The following CDKL3 variants were observed in gnomAD, a reference collection of about 807,000 sequenced individuals.
The protein encoded by CDKL3 is cyclin dependent kinase like 3.
CDKL3 carries 65 observed loss-of-function variants against 69.3 expected under a neutral mutation model. The ratio of observed to expected loss-of-function variants is 0.94; its 90% CI spans 0.77 to 1.15. The LOEUF (loss-of-function observed/expected upper bound fraction) is 1.15, where lower values mean the gene tolerates loss of function less well. Ranked by LOEUF, CDKL3 falls within the 50% of genes most tolerant of loss-of-function variation. The probability of loss-of-function intolerance (pLI) is 0.00; values close to 1 mark genes in which losing one functional copy is unlikely to be tolerated. For synonymous variants in CDKL3, 202 were observed against 221.6 expected (o/e 0.91, Z 0.79); for missense variants, 652 against 689.2 (o/e 0.95, Z 0.61).
chr5:134,348,676 G>T (rs1294096151), intron 4 of CDKL3, among the ~76,000 whole-genome samples: 1 of 152,120 alleles, frequency 6.6e-6, no homozygotes, highest in Admixed American at 6.6e-5. Context: ...TAGGATTGGG[G>T]GGCTAGGGAG....
chr5:134,347,222 T>C (rs1349568450), intron 4 of CDKL3, among the ~76,000 whole-genome samples: 1 of 148,012 alleles, frequency 6.8e-6, no homozygotes, highest in African/African-American at 2.5e-5. Context: ...AAGGCTAGGA[T>C]GGCTATTAAA....
intron 4 of CDKL3, among the ~76,000 whole-genome samples, chr5:134,325,244 T>C (rs556413402): frequency 1.3e-5 from 2 of 152,292 alleles, no homozygotes; most frequent in African/African-American, 4.8e-5. Context: ...TATGTTCCTA[T>C]TTCTGTTCAA....
chr5:134,289,163 TAAAAAAAAA>T (rs34873718), intron 8 of CDKL3, among the ~76,000 whole-genome samples: 1 of 80,318 alleles, frequency 1.2e-5, no homozygotes. Context: ...CCCTGTCTCA[TAAAAAAAAA>T]AAAAAAAAAA....
At chr5:134,307,905 A>T in intron 9 of CDKL3, 1 of 528,314 alleles carries the variant, frequency 1.9e-6, no homozygotes, top group Non-Finnish European at 2.9e-6. Flanking sequence ...TTTTTTTAAT[A>T]AGGTTTTTCA....
chr5:134,306,279 G>A (rs980734818), intron 10 of CDKL3, among the ~76,000 whole-genome samples: 2 of 152,130 alleles, frequency 1.3e-5, no homozygotes, highest in Non-Finnish European at 2.9e-5. Flanking sequence ...AGGATCCCTT[G>A]AGCTCAGGAG....
intron 2 of CDKL3, among the ~76,000 whole-genome samples, chr5:134,364,122 C>A (rs894562202): frequency 1.3e-5 from 2 of 152,062 alleles, no homozygotes; most frequent in East Asian, 1.9e-4. Flanking sequence ...AGATCATAAA[C>A]CTTAAAGGAT....
rs758687050 is a variant in CDKL3, at chr5:134,360,036, T to C, written c.221A>G (p.Lys74Arg). The change falls in exon 3 of 13, where the codon AAA (lysine) becomes AGA (arginine). Residue 74 changes from lysine to arginine, a missense_variant. By Grantham distance (26) the Lys-to-Arg change is conservative (BLOSUM62 2). Coordinates refer to ENST00000265334, the MANE Select transcript of CDKL3 (RefSeq NM_001113575.2). The stretch of plus-strand genomic sequence containing the variant: ...AATAAATTCAAATACCAAATGAATT[T>C]TCTTTTTCTGTCTAAAAACTTCAAT... The part of the protein sequence containing the change: ...NLIEVFRQKK[K>R]IHLVFEFIDH... 35 of 1,554,100 alleles carry C rather than the reference T, an allele frequency of 2.3e-5. No homozygotes were observed. Among genetic ancestry groups the C allele is most frequent in the Non-Finnish European group, 3.0e-5 (34 of 1,148,364 alleles).
intron 2 of CDKL3, among the ~76,000 whole-genome samples, chr5:134,364,455 C>G (rs1280913661): frequency 6.6e-6 from 1 of 152,306 alleles, no homozygotes; most frequent in East Asian, 1.9e-4. Flanking sequence ...GTATCAATCA[C>G]TGAACCTCAG....
Position 134,329,406 on chromosome 5 carries a change from C to A in CDKL3, c.540-7503G>T, listed in dbSNP as rs144149905. Among the ~76,000 whole-genome samples the A allele has an allele frequency of 9.7e-3, 1,478 of 151,998 alleles. 13 individuals are homozygous for A. Among genetic ancestry groups the A allele is most frequent in the African/African-American group, 0.032 (1,313 of 41,504 alleles). On this transcript the variant is annotated intron_variant, in intron 4 of 12. Coordinates refer to ENST00000265334, the MANE Select transcript of CDKL3 (RefSeq NM_001113575.2). Reference sequence around the variant, plus strand: ...AAGGTAATTATGTAATTATAAAAGGCAATATAAATGCAGAATTTTCTCTCT... The same window carrying A: ...AAGGTAATTATGTAATTATAAAAGGAAATATAAATGCAGAATTTTCTCTCT...
At chr5:134,305,332 T>C (rs1195140416) in intron 10 of CDKL3, among the ~76,000 whole-genome samples, 4 of 152,094 alleles carry the variant, frequency 2.6e-5, no homozygotes, top group African/African-American at 7.2e-5. Flanking sequence ...CAGGCTGATC[T>C]CAAATTCCTG....
chr5:134,347,986 T>C (rs1752366468), intron 4 of CDKL3, among the ~76,000 whole-genome samples: 1 of 152,180 alleles, frequency 6.6e-6, no homozygotes, highest in South Asian at 2.1e-4. Context: ...TGTAAACCAC[T>C]TAATTGTACA....
chr5:134,364,142 T>C (rs1462325340), intron 2 of CDKL3, among the ~76,000 whole-genome samples: 1 of 152,134 alleles, frequency 6.6e-6, no homozygotes, highest in East Asian at 1.9e-4. Flanking sequence ...TGTAAATAGA[T>C]TCCAATAAAT....
intron 5 of CDKL3, among the ~76,000 whole-genome samples, chr5:134,321,534 C>T (rs1772796997): frequency 6.6e-6 from 1 of 152,096 alleles, no homozygotes; most frequent in African/African-American, 2.4e-5. Context: ...AAAGTACATT[C>T]CTATTGTACT....
At chr5:134,322,150 A>G (rs1023187197) in intron 4 of CDKL3, among the ~76,000 whole-genome samples, 1 of 152,056 alleles carries the variant, frequency 6.6e-6, no homozygotes, top group Non-Finnish European at 1.5e-5. Context: ...AGTAGCTGGG[A>G]TTAGAGGCGT....
At chr5:134,291,775 A>G (rs74838984) in intron 8 of CDKL3, among the ~76,000 whole-genome samples, 1 of 147,564 alleles carries the variant, frequency 6.8e-6, no homozygotes, top group East Asian at 1.9e-4. Context: ...CTCCATCTCA[A>G]AAAAAAAAAA....
Position 134,302,122 on chromosome 5 carries a change from AT to A in CDKL3, c.1719+467del, listed in dbSNP as rs924450842. 15 of 456,108 alleles carry A rather than the reference AT, an allele frequency of 3.3e-5. No individual in the cohort carries two copies. The Admixed American group carries it at 3.3e-4, about 10-fold the overall frequency. The allele number at this position is 456,108 out of a possible 1,614,324, so 28.3% of individuals were successfully genotyped here. On this transcript the variant is annotated intron_variant, in intron 12 of 12. Coordinates refer to ENST00000265334, the MANE Select transcript of CDKL3 (RefSeq NM_001113575.2). ...TCTCTCTGGTGGGTAGGGACTGGGA[AT>A]ATTTCAACAAGATTACCTGATAGTT...
chr5:134,302,106 T>A (rs1766501777), intron 12 of CDKL3: 2 of 455,058 alleles, frequency 4.4e-6, no homozygotes, highest in African/African-American at 2.0e-5. Context: ...ATCTCTCTGG[T>A]GGGTAGGGAC....
chr5:134,347,201 TAA>T (rs57205907), intron 4 of CDKL3, among the ~76,000 whole-genome samples: 6 of 144,606 alleles, frequency 4.1e-5, no homozygotes, highest in Middle Eastern at 3.5e-3. Flanking sequence ...AAGTTTACTT[TAA>T]AAAAAAAAAA....
chr5:134,369,216 T>C (rs1211933813), upstream of CDKL3, among the ~76,000 whole-genome samples: 3 of 152,228 alleles, frequency 2.0e-5, no homozygotes, highest in South Asian at 2.1e-4. Context: ...AATACACAGC[T>C]GTAAGACTTT....
Sources: gnomAD v4.1 joint callset for allele counts (sites outside exome capture counted in the v4.1 genomes callset) on GRCh38, gnomAD v4.1.1 for gene constraint, MANE v1.5 for transcripts, NCBI Gene and HGNC (gene_info 2026-07-23, HGNC 2026-07-21) for gene names.